BLOC1S3: variants seen among roughly 807,000 people sequenced by gnomAD.
BLOC1S3 encodes biogenesis of lysosome-related organelles complex 1 subunit 3.
Under a neutral mutation model 9.1 loss-of-function variants are expected in BLOC1S3, and 7 were observed. The ratio of observed to expected loss-of-function variants is 0.77; its 90% confidence interval spans 0.44 to 1.45. The LOEUF is 1.45. Ranked by LOEUF, BLOC1S3 falls within the 40% of genes most tolerant of loss-of-function variation. The pLI is 0.01. For synonymous variants in BLOC1S3, 145 were observed against 158.4 expected, an observed-to-expected ratio of 0.92 and a Z score of 0.64; for missense variants, 307 against 315.2, an observed-to-expected ratio of 0.97 and a Z score of 0.20.
chr19:45,186,295 G>C (rs559330660), downstream of BLOC1S3, among the ~76,000 whole-genome samples: 1 of 152,270 alleles, frequency 6.6e-6, no homozygotes, highest in Admixed American at 6.5e-5. Context: ...TTGGACTTCT[G>C]TTGTCACTGA....
intron 3 of BLOC1S3, among the ~76,000 whole-genome samples, chr19:45,211,705 G>A (rs1010778544): frequency 4.6e-5 from 7 of 151,174 alleles, no homozygotes; most frequent in African/African-American, 1.2e-4. Context: ...AGAGTCCCTC[G>A]TCTCTACCTC....
chr19:45,191,247 C>T (rs1005907936), intron 2 of BLOC1S3, among the ~76,000 whole-genome samples: 1 of 151,788 alleles, frequency 6.6e-6, no homozygotes, highest in Non-Finnish European at 1.5e-5. Flanking sequence ...CTCAGCCTCC[C>T]GAGTAGCTGG....
chr19:45,207,454 A>C (rs972171015), intron 3 of BLOC1S3, among the ~76,000 whole-genome samples: 1 of 146,966 alleles, frequency 6.8e-6, no homozygotes, highest in East Asian at 2.0e-4. Context: ...TTTAATGGTC[A>C]CTGTAGAGTT....
chr19:45,180,558 C>T lies in BLOC1S3; in HGVS notation c.*653C>T, dbSNP rs958167071. ...CAGGTGTGAGCCACCACACACTGGGCTCTGCTCTGCCTTTCTGAGTTTGGT... is the reference window on the plus strand; with the variant it reads ...CAGGTGTGAGCCACCACACACTGGGTTCTGCTCTGCCTTTCTGAGTTTGGT... On this transcript the variant is annotated 3_prime_UTR_variant, in exon 2 of 2. Transcript: ENST00000433642. The T allele has an allele frequency of 2.4e-5, 4 of 166,120 alleles. No individual in the cohort carries two copies. Among genetic ancestry groups the T allele is most frequent in the African/African-American group, 7.2e-5 (3 of 41,424 alleles). 10.3% of individuals were successfully genotyped at this position (166,120 alleles called of 1,614,324 possible).
chr19:45,194,103 T>A (rs1458635835), intron 2 of BLOC1S3, among the ~76,000 whole-genome samples: 3 of 19,720 alleles, frequency 1.5e-4, no homozygotes, highest in Non-Finnish European at 2.9e-4. Context: ...GCGCCTGGCC[T>A]TTTTTTTTTT....
chr19:45,198,073 G>A (rs1481454891), intron 2 of BLOC1S3, among the ~76,000 whole-genome samples: 3 of 152,094 alleles, frequency 2.0e-5, no homozygotes, highest in African/African-American at 7.2e-5. Flanking sequence ...GAGTGTGGGG[G>A]AAACAAGGTC....
At chr19:45,189,859 T>C (rs1414540285) in intron 2 of BLOC1S3, among the ~76,000 whole-genome samples, 1 of 152,156 alleles carries the variant, frequency 6.6e-6, no homozygotes, top group African/African-American at 2.4e-5. Context: ...CTTCTACCTC[T>C]GTCTCTCTCT....
At chr19:45,213,548 T>C (rs984715839) in intron 3 of BLOC1S3, among the ~76,000 whole-genome samples, 2 of 151,860 alleles carry the variant, frequency 1.3e-5, no homozygotes, top group African/African-American at 4.8e-5. Flanking sequence ...ACCAGCTCCC[T>C]CCAGAACTTC....
intron 3 of BLOC1S3, among the ~76,000 whole-genome samples, chr19:45,215,540 GA>G (rs1250404396): frequency 1.3e-5 from 2 of 152,164 alleles, no homozygotes; most frequent in Admixed American, 1.3e-4. Flanking sequence ...CATTGAGTGA[GA>G]ACTGGAATTG....
downstream of BLOC1S3, among the ~76,000 whole-genome samples, chr19:45,184,022 C>T (rs1333640878): frequency 6.6e-6 from 1 of 152,186 alleles, no homozygotes; most frequent in African/African-American, 2.4e-5. Context: ...TCATGGTGGA[C>T]TTCCAGCCCT....
chr19:45,213,368 A>G (rs765082833), intron 3 of BLOC1S3: 1 of 1,612,024 alleles, frequency 6.2e-7, no homozygotes, highest in Admixed American at 1.7e-5. Flanking sequence ...CTGTGGGGAG[A>G]GGAACAGACA....
intron 3 of BLOC1S3, chr19:45,212,988 G>A (rs1469427289): frequency 8.7e-6 from 12 of 1,377,626 alleles, no homozygotes; most frequent in Non-Finnish European, 1.1e-5. Context: ...TCCCAGGCAG[G>A]GAGTCAGGAG....
At chr19:45,205,560 T>A (rs1004912669) in intron 3 of BLOC1S3, among the ~76,000 whole-genome samples, 4 of 152,144 alleles carry the variant, frequency 2.6e-5, no homozygotes, top group African/African-American at 9.7e-5. Flanking sequence ...GAAGGAAACA[T>A]AGGAGAAAAT....
intron 2 of BLOC1S3, among the ~76,000 whole-genome samples, chr19:45,197,022 C>T (rs758123710): frequency 6.6e-6 from 1 of 151,860 alleles, no homozygotes; most frequent in Non-Finnish European, 1.5e-5. Flanking sequence ...CAGGGGCCCA[C>T]GGGGTTTCCT....
At chr19:45,195,683 C>T (rs1969642995) in intron 2 of BLOC1S3, among the ~76,000 whole-genome samples, 1 of 151,806 alleles carries the variant, frequency 6.6e-6, no homozygotes, top group Non-Finnish European at 1.5e-5. Context: ...CAATCTCCGC[C>T]TCCTGGCTTC....
At chr19:45,200,104 C>T (rs1295710299) in intron 2 of BLOC1S3, among the ~76,000 whole-genome samples, 1 of 151,880 alleles carries the variant, frequency 6.6e-6, no homozygotes, top group Non-Finnish European at 1.5e-5. Context: ...TTGAGCTCAC[C>T]AATTCTTCAG....
In BLOC1S3 at chr19:45,180,235, ATTTTTTTTTTTT is replaced by A. The variant is rs34965337; in HGVS notation, c.*343_*354del. ...CTGTTTCCACCCTGGGGGCTCACCA[ATTTTTTTTTTTT>A]TTTTTTTTTTTTGGAGACAGGGTGT... On this transcript the variant is annotated 3_prime_UTR_variant, in exon 2 of 2. Coordinates refer to ENST00000433642, the MANE Select transcript of BLOC1S3 (RefSeq NM_212550.5). 3.3e-5 allele frequency: 3 copies of A among 90,520 alleles called. No individual in the cohort carries two copies. Among genetic ancestry groups the A allele is most frequent in the Non-Finnish European group, 6.2e-5 (3 of 48,688 alleles). The allele number at this position is 90,520 out of a possible 1,614,324, so 5.6% of individuals were successfully genotyped here.
At chr19:45,184,903 C>CAAAACAAAAAAAAA (rs1969554675), downstream of BLOC1S3, among the ~76,000 whole-genome samples, 1 of 48,278 alleles carries the variant, frequency 2.1e-5, no homozygotes, top group Non-Finnish European at 4.0e-5. Context: ...CTGTCTCAAA[C>CAAAACAAAAAAAAA]AAAAAAAAAA....
chr19:45,182,645 G>T (rs8106106), downstream of BLOC1S3, among the ~76,000 whole-genome samples: 1 of 152,076 alleles, frequency 6.6e-6, no homozygotes, highest in Admixed American at 6.6e-5. Flanking sequence ...TCCTGGGTGA[G>T]AGTGAGACTC....
Sources: gnomAD v4.1 joint callset for allele counts (sites outside exome capture counted in the v4.1 genomes callset) on GRCh38, gnomAD v4.1.1 for gene constraint, MANE v1.5 for transcripts, NCBI Gene and HGNC (gene_info 2026-07-23, HGNC 2026-07-21) for gene names.